SYN3: variants seen among roughly 807,000 people sequenced by gnomAD.
The protein encoded by SYN3 is synapsin-3.
In SYN3, 35 loss-of-function variants were observed where a neutral mutation model predicts 65.8. The observed-to-expected ratio is 0.53, with a 90% CI of 0.41 to 0.70. The LOEUF is 0.70. Ranked by LOEUF, SYN3 falls within the 30% of genes least tolerant of loss-of-function variation. SYN3 has a pLI of 0.00. For synonymous variants in SYN3, 270 were observed against 292.9 expected, an observed-to-expected ratio of 0.92 and a Z score of 0.80; for missense variants, 680 against 749.0, an observed-to-expected ratio of 0.91 and a Z score of 1.08.
intron 6 of SYN3, chr22:32,862,474 C>T (rs2146313649): frequency 6.6e-6 from 1 of 152,332 alleles, no homozygotes; most frequent in Non-Finnish European, 1.5e-5. Flanking sequence ...CTAGGGCAAA[C>T]TGTGGCCCCC....
At chr22:32,808,587 C>T (rs1569240817) in intron 6 of SYN3, among the ~76,000 whole-genome samples, 1 of 152,196 alleles carries the variant, frequency 6.6e-6, no homozygotes, top group Non-Finnish European at 1.5e-5. Flanking sequence ...CTACCTCATC[C>T]TCATAGTCTC....
intron 7 of SYN3, among the ~76,000 whole-genome samples, chr22:32,555,838 G>A (rs983647121): frequency 6.6e-6 from 1 of 152,184 alleles, no homozygotes; most frequent in African/African-American, 2.4e-5. Flanking sequence ...TAAGAAACTA[G>A]TCGGATGGGG....
intron 6 of SYN3, among the ~76,000 whole-genome samples, chr22:32,679,839 C>CTATTTTTTTTTTTTGTTTTTTT (rs2060497511): frequency 2.6e-5 from 1 of 39,150 alleles, no homozygotes; most frequent in Non-Finnish European, 4.6e-5. Flanking sequence ...TGTTTTTTGG[C>CTATTTTTTTTTTTTGTTTTTTT]TTTTTTTTTT....
intron 6 of SYN3, among the ~76,000 whole-genome samples, chr22:32,697,249 C>T (rs948233326): frequency 6.6e-6 from 1 of 152,146 alleles, no homozygotes; most frequent in Non-Finnish European, 1.5e-5. Context: ...GAGGAAACAT[C>T]AACAGAAATG....
chr22:33,008,967 AG>A (rs2053276394), intron 1 of SYN3, among the ~76,000 whole-genome samples: 7 of 136,822 alleles, frequency 5.1e-5, no homozygotes, highest in African/African-American at 1.6e-4. Context: ...AAAAAAAGAG[AG>A]AGAGAGAAAA....
At chr22:32,586,540 A>G (rs1488990870) in intron 7 of SYN3, among the ~76,000 whole-genome samples, 2 of 152,152 alleles carry the variant, frequency 1.3e-5, no homozygotes, top group African/African-American at 2.4e-5. Flanking sequence ...GGGCATTTTA[A>G]ACAGTGAAAT....
At chr22:32,884,297 T>A (rs1231972073) in intron 4 of SYN3, among the ~76,000 whole-genome samples, 1 of 152,218 alleles carries the variant, frequency 6.6e-6, no homozygotes, top group Non-Finnish European at 1.5e-5. Flanking sequence ...AGGGGTCAAT[T>A]GATTGCATGT....
At chr22:32,623,226 G>T in intron 6 of SYN3, among the ~76,000 whole-genome samples, 1 of 151,368 alleles carries the variant, frequency 6.6e-6, no homozygotes, top group East Asian at 1.9e-4. Flanking sequence ...TCACTCTGTT[G>T]TTCAGGCTGG....
intron 6 of SYN3, among the ~76,000 whole-genome samples, chr22:32,852,817 T>G (rs2048259507): frequency 6.6e-6 from 1 of 152,170 alleles, no homozygotes; most frequent in East Asian, 1.9e-4. Context: ...TTAGCTGGGC[T>G]GTGGGGTGAA....
At chr22:32,977,196 G>T (rs1187796329) in intron 3 of SYN3, among the ~76,000 whole-genome samples, 3 of 152,138 alleles carry the variant, frequency 2.0e-5, no homozygotes, top group Middle Eastern at 3.2e-3. Context: ...ATTAGCCAAG[G>T]TTTCTCAGTG....
chr22:33,044,405 A>G (rs887728653), intron 1 of SYN3, among the ~76,000 whole-genome samples: 1 of 152,162 alleles, frequency 6.6e-6, no homozygotes, highest in African/African-American at 2.4e-5. Context: ...CCCCCTGTTA[A>G]TAACTGAGGA....
chr22:32,892,079 G>C (rs1020257727), intron 4 of SYN3, among the ~76,000 whole-genome samples: 24 of 151,976 alleles, frequency 1.6e-4, no homozygotes, highest in Admixed American at 4.6e-4. Flanking sequence ...CGGATCATGA[G>C]GTCAGGAGTT....
intron 6 of SYN3, among the ~76,000 whole-genome samples, chr22:32,817,062 T>TAA (rs130284): frequency 0.02 from 2,871 of 145,058 alleles, 86 homozygotes; most frequent in African/African-American, 0.064. Flanking sequence ...TCTACTAATT[T>TAA]AAAAAAAAAA....
At chr22:32,800,327 T>C (rs58394026) in intron 6 of SYN3, among the ~76,000 whole-genome samples, 3,156 of 152,228 alleles carry the variant, frequency 0.021, 114 homozygotes, top group African/African-American at 0.072. Context: ...TGCAGTTAGA[T>C]GGAACAGCTG....
In SYN3 at chr22:32,857,605, C is replaced by T. The variant is rs535068044; in HGVS notation, c.711+7310G>A. ...AATCTCCTAATTTGTAGCTTCTCAA[C>T]TTTACTGTAAATAAAAAGGGAGTAT... On this transcript the variant is annotated intron_variant, in intron 6 of 13. Coordinates refer to ENST00000358763, the MANE Select transcript of SYN3 (RefSeq NM_003490.4). 1.5e-4 allele frequency among the ~76,000 whole-genome samples: 23 copies of T among 152,356 alleles called. No individual in the cohort carries two copies. The South Asian group carries it at 4.8e-3, about 32-fold the overall frequency.
intron 10 of SYN3, among the ~76,000 whole-genome samples, chr22:32,529,256 G>A (rs2058031861): frequency 1.3e-5 from 2 of 152,186 alleles, no homozygotes; most frequent in Non-Finnish European, 2.9e-5. Context: ...AATGCGACAA[G>A]GGCCAGGGAG....
chr22:32,552,692 A>T (rs1476276253), intron 7 of SYN3, among the ~76,000 whole-genome samples: 2 of 152,190 alleles, frequency 1.3e-5, no homozygotes, highest in Non-Finnish European at 2.9e-5. Context: ...AAGAGGAAAA[A>T]GCACGAGGTG....
At chr22:32,686,785 T>C (rs2060595822) in intron 6 of SYN3, among the ~76,000 whole-genome samples, 1 of 151,868 alleles carries the variant, frequency 6.6e-6, no homozygotes, top group African/African-American at 2.4e-5. Context: ...TTAGTACAGA[T>C]GGTGTTTCAC....
intron 6 of SYN3, among the ~76,000 whole-genome samples, chr22:32,786,852 T>C (rs2046205794): frequency 6.6e-6 from 1 of 151,954 alleles, no homozygotes; most frequent in African/African-American, 2.4e-5. Flanking sequence ...TGTCATGGGA[T>C]GAAGGGCACA....
Sources: gnomAD v4.1 joint callset for allele counts (sites outside exome capture counted in the v4.1 genomes callset) on GRCh38, gnomAD v4.1.1 for gene constraint, MANE v1.5 for transcripts, NCBI Gene and HGNC (gene_info 2026-07-23, HGNC 2026-07-21) for gene names.